The following PLXNA2 variants were observed in gnomAD, a reference collection of about 807,000 sequenced individuals.
PLXNA2 encodes plexin-A2.
A neutral mutation model predicts 193.5 loss-of-function variants in PLXNA2; 91 were observed. The ratio of observed to expected loss-of-function variants is 0.47; its 90% CI spans 0.40 to 0.56. The LOEUF (loss-of-function observed/expected upper bound fraction) is 0.56, where lower values mean the gene tolerates loss of function less well. Among genes scored for constraint, PLXNA2 ranks in the 20% least tolerant of loss-of-function variants. The pLI is 0.00. For missense variants in PLXNA2, 1,995 were observed against 2,503.2 expected, an observed-to-expected ratio of 0.80 and a Z score of 4.33; for synonymous variants, 997 against 1,027.3, an observed-to-expected ratio of 0.97 and a Z score of 0.56.
At chr1:208,111,595 A>G (rs544074010) in intron 4 of PLXNA2, among the ~76,000 whole-genome samples, 6 of 152,310 alleles carry the variant, frequency 3.9e-5, no homozygotes, top group Admixed American at 1.3e-4. Context: ...ATTTTGAGAT[A>G]AAGACAATAT....
chr1:208,033,457 C>A lies in PLXNA2; in HGVS notation c.4917G>T (p.Pro1639=). The A allele has an allele frequency of 1.2e-6, 2 of 1,613,340 alleles. No homozygotes were observed. The highest frequency in any genetic ancestry group is 1.1e-5 in the South Asian group (1 of 91,004). Residue 1639 remains proline (P), a synonymous_variant, in exon 28 of 32, where the codon CCG becomes CCT. Coordinates refer to ENST00000367033, the MANE Select transcript of PLXNA2 (RefSeq NM_025179.4). Reference sequence around the variant, plus strand: ...CACTTTCCAGGTCTGGGGTGATCATCGGGGCCCGGGACCGCAGGCTGTCGG... The same window carrying A: ...CACTTTCCAGGTCTGGGGTGATCATAGGGGCCCGGGACCGCAGGCTGTCGG... ...GSPDSLRSRA[P]MITPDLESGV... is the part of the protein sequence containing the mutation.
chr1:208,137,717 C>G (rs1196795494), intron 4 of PLXNA2, among the ~76,000 whole-genome samples: 1 of 152,190 alleles, frequency 6.6e-6, no homozygotes, highest in African/African-American at 2.4e-5. Context: ...TTACCATTGA[C>G]TTGTTAGGCA....
At chr1:208,175,913 C>T (rs533916711) in intron 3 of PLXNA2, among the ~76,000 whole-genome samples, 13 of 152,282 alleles carry the variant, frequency 8.5e-5, no homozygotes, top group African/African-American at 2.9e-4. Flanking sequence ...GGACACGGGC[C>T]GGCTTCCCAT....
At chr1:208,156,055 G>A (rs1255665929) in intron 3 of PLXNA2, among the ~76,000 whole-genome samples, 5 of 152,142 alleles carry the variant, frequency 3.3e-5, no homozygotes, top group Non-Finnish European at 7.4e-5. Context: ...ATGACCCTGG[G>A]GCAGCAAAAT....
At chr1:208,175,469 A>C (rs1479359579) in intron 3 of PLXNA2, among the ~76,000 whole-genome samples, 1 of 152,230 alleles carries the variant, frequency 6.6e-6, no homozygotes, top group Non-Finnish European at 1.5e-5. Flanking sequence ...AGGCTCCAGC[A>C]TTAAAGTAAG....
At chr1:208,235,093 GTACACTC>G (rs1671812765) in intron 1 of PLXNA2, among the ~76,000 whole-genome samples, 1 of 152,134 alleles carries the variant, frequency 6.6e-6, no homozygotes, top group Admixed American at 6.5e-5. Context: ...TGTCATTCAT[GTACACTC>G]TCAGAGCTCT....
chr1:208,207,570 C>T (rs1017039734), intron 3 of PLXNA2, among the ~76,000 whole-genome samples: 2 of 152,190 alleles, frequency 1.3e-5, no homozygotes, highest in Non-Finnish European at 2.9e-5. Context: ...TGACAGACGC[C>T]GGGAGAAGTG....
intron 4 of PLXNA2, among the ~76,000 whole-genome samples, chr1:208,106,590 G>A (rs1366674495): frequency 6.6e-6 from 1 of 152,164 alleles, no homozygotes; most frequent in African/African-American, 2.4e-5. Flanking sequence ...AAGATGTACT[G>A]TAAGTCTACA....
intron 4 of PLXNA2, among the ~76,000 whole-genome samples, chr1:208,108,869 G>A (rs989930247): frequency 1.3e-5 from 2 of 152,158 alleles, no homozygotes; most frequent in African/African-American, 4.8e-5. Context: ...AGGGGGCTCT[G>A]GCAGGAGCAC....
chr1:208,169,406 C>T (rs1157497521), intron 3 of PLXNA2, among the ~76,000 whole-genome samples: 2 of 152,208 alleles, frequency 1.3e-5, no homozygotes, highest in Non-Finnish European at 1.5e-5. Flanking sequence ...AACTTTAACT[C>T]GTCATGAATA....
Position 208,183,398 on chromosome 1 carries a change from G to C in PLXNA2, c.1371+26882C>G, listed in dbSNP as rs11807780. Among the ~76,000 whole-genome samples, 760 of 152,308 alleles carry C rather than the reference G, an allele frequency of 5.0e-3. 4 individuals carry two copies. Among genetic ancestry groups the C allele is most frequent in the African/African-American group, 0.016 (684 of 41,564 alleles). ...CTTAACCTTCCTCAGCAGGGGATGGGGGAGTAGAGGGAGCCGGAAAGGAGG... is the reference window on the plus strand; with the variant it reads ...CTTAACCTTCCTCAGCAGGGGATGGCGGAGTAGAGGGAGCCGGAAAGGAGG... On this transcript the variant is annotated intron_variant, in intron 3 of 31. Coordinates refer to ENST00000367033, the MANE Select transcript of PLXNA2 (RefSeq NM_025179.4).
rs34413554 is a variant in PLXNA2, at chr1:208,209,983, A to AATTTTTTTTTTTTTTTTTTTTT, written c.1371+296_1371+297insAAAAAAAAAAAAAAAAAAAAAT. ...TTGCTTGATTTGGGAATGAAGAGCA[A>AATTTTTTTTTTTTTTTTTTTTT]TTTTTTTTTTTTTTTTTTTTTGCTT... On this transcript the variant is annotated intron_variant, in intron 3 of 31. Transcript: ENST00000367033. 636 of 87,868 alleles carry AATTTTTTTTTTTTTTTTTTTTT rather than the reference A, an allele frequency of 7.2e-3. 211 individuals carry two copies. Among genetic ancestry groups the AATTTTTTTTTTTTTTTTTTTTT allele is most frequent in the South Asian group, 0.024 (97 of 3,964 alleles). 5.4% of individuals were successfully genotyped at this position (87,868 alleles called of 1,614,324 possible). A position where few individuals can be genotyped will look rare whatever the true frequency, so the allele number is the denominator to read the frequency against.
intron 1 of PLXNA2, among the ~76,000 whole-genome samples, chr1:208,229,187 T>A (rs1022915361): frequency 6.6e-6 from 1 of 152,138 alleles, no homozygotes; most frequent in Admixed American, 6.5e-5. Flanking sequence ...TAAAAACTGC[T>A]AGTTTTTAAT....
chr1:208,049,882 T>C (rs527462874), intron 17 of PLXNA2, among the ~76,000 whole-genome samples: 88 of 152,314 alleles, frequency 5.8e-4, no homozygotes, highest in African/African-American at 2.0e-3. Context: ...TCCATCTTAG[T>C]CTAGTCAAGC....
At chr1:208,198,521 T>G (rs1053727579) in intron 3 of PLXNA2, among the ~76,000 whole-genome samples, 12 of 152,182 alleles carry the variant, frequency 7.9e-5, no homozygotes, top group African/African-American at 2.9e-4. Context: ...GGGGACTGTG[T>G]GTGGCACAAA....
Position 208,182,800 on chromosome 1 carries a change from G to T in PLXNA2, c.1371+27480C>A, listed in dbSNP as rs111263643. Among the ~76,000 whole-genome samples the T allele has an allele frequency of 1.6e-3, 238 of 152,134 alleles. 1 individual carries two copies. The highest frequency in any genetic ancestry group is 5.3e-3 in the African/African-American group (221 of 41,508). ...CTGCTGGGTTCTAGCCCATTCCTAG[G>T]TTGGGCAGCTCAGCCTCTCCTAGAG... On this transcript the variant is annotated intron_variant, in intron 3 of 31. Transcript: ENST00000367033.
chr1:208,093,722 G>A (rs964867338), intron 8 of PLXNA2, among the ~76,000 whole-genome samples: 5 of 152,204 alleles, frequency 3.3e-5, no homozygotes, highest in Non-Finnish European at 7.3e-5. Context: ...GGATATGTGT[G>A]TGGTATGTGC....
chr1:208,240,825 G>T (rs1473558200), intron 1 of PLXNA2, among the ~76,000 whole-genome samples: 1 of 152,064 alleles, frequency 6.6e-6, no homozygotes, highest in Non-Finnish European at 1.5e-5. Flanking sequence ...ATGGACAGAA[G>T]TATATTGTGC....
intron 3 of PLXNA2, among the ~76,000 whole-genome samples, chr1:208,192,863 G>C (rs1173137865): frequency 6.7e-6 from 1 of 149,338 alleles, no homozygotes; most frequent in East Asian, 2.0e-4. Context: ...TTCCAGCCTG[G>C]GCAACAAGAG....
Sources: gnomAD v4.1 joint callset for allele counts (sites outside exome capture counted in the v4.1 genomes callset) on GRCh38, gnomAD v4.1.1 for gene constraint, MANE v1.5 for transcripts, NCBI Gene and HGNC (gene_info 2026-07-23, HGNC 2026-07-21) for gene names.